Variants in KCNJ6 observed in about 807,000 individuals in gnomAD.
KCNJ6 encodes potassium inwardly rectifying channel subfamily J member 6.
A neutral mutation model predicts 34.2 loss-of-function variants in KCNJ6; 9 were observed. The observed-to-expected ratio is 0.26, with a 90% CI of 0.16 to 0.46. KCNJ6 has a LOEUF of 0.46. KCNJ6 is among the 20% of genes least tolerant of loss of function. The probability of loss-of-function intolerance (pLI) is 1.00; values close to 1 mark genes in which losing one functional copy is unlikely to be tolerated. For synonymous variants in KCNJ6, 196 were observed against 207.1 expected, an observed-to-expected ratio of 0.95 and a Z score of 0.46; for missense variants, 236 against 531.3, an observed-to-expected ratio of 0.44 and a Z score of 5.46.
intron 3 of KCNJ6, among the ~76,000 whole-genome samples, chr21:37,653,192 A>C (rs939545421): frequency 3.9e-5 from 6 of 152,332 alleles, no homozygotes; most frequent in Middle Eastern, 3.4e-3. Flanking sequence ...AAGGAGTAAA[A>C]AGGGAATTAA....
intron 2 of KCNJ6, among the ~76,000 whole-genome samples, chr21:37,774,148 T>A (rs549488895): frequency 6.6e-6 from 1 of 152,316 alleles, no homozygotes; most frequent in South Asian, 2.1e-4. Flanking sequence ...GAGTGAGGGT[T>A]CTGGAGTCAG....
chr21:37,759,047 G>A (rs2123492411), intron 2 of KCNJ6, among the ~76,000 whole-genome samples: 1 of 152,342 alleles, frequency 6.6e-6, no homozygotes, highest in East Asian at 1.9e-4. Context: ...TTGCTTTTAA[G>A]TCCTCCTCTT....
At chr21:37,764,053 C>A (rs1468002330) in intron 2 of KCNJ6, among the ~76,000 whole-genome samples, 2 of 152,176 alleles carry the variant, frequency 1.3e-5, no homozygotes, top group Non-Finnish European at 2.9e-5. Context: ...CCTGATTTGA[C>A]AAAGTGAATT....
chr21:37,753,556 C>T (rs1568834984), intron 2 of KCNJ6, among the ~76,000 whole-genome samples: 1 of 152,176 alleles, frequency 6.6e-6, no homozygotes, highest in African/African-American at 2.4e-5. Flanking sequence ...CACCAAGGAA[C>T]ACGACGCTCT....
At chr21:37,758,391 C>T (rs2055042318) in intron 2 of KCNJ6, among the ~76,000 whole-genome samples, 1 of 152,180 alleles carries the variant, frequency 6.6e-6, no homozygotes, top group Non-Finnish European at 1.5e-5. Flanking sequence ...ATCACCTCCT[C>T]CTTCCATTCT....
In KCNJ6 at chr21:37,728,234, C is replaced by A. The variant is rs141317262; in HGVS notation, c.26-13103G>T. Among the ~76,000 whole-genome samples, 227 of 152,222 alleles carry A rather than the reference C, an allele frequency of 1.5e-3. 1 individual carries two copies. Among genetic ancestry groups the A allele is most frequent in the Non-Finnish European group, 2.9e-4 (20 of 68,018 alleles). On this transcript the variant is annotated intron_variant, in intron 2 of 3. Transcript: ENST00000609713. ...GACAAGTACTATATGATTTCACTTA[C>A]GTGAGGTTCCTAGAATAGCCAAATT...
intron 2 of KCNJ6, among the ~76,000 whole-genome samples, chr21:37,753,675 C>G (rs904230704): frequency 4.6e-5 from 7 of 152,196 alleles, no homozygotes; most frequent in African/African-American, 1.7e-4. Context: ...GCTCTCTGTT[C>G]TCTTTTTCTT....
intron 2 of KCNJ6, among the ~76,000 whole-genome samples, chr21:37,834,181 C>T (rs964706799): frequency 6.6e-6 from 1 of 152,240 alleles, no homozygotes; most frequent in African/African-American, 2.4e-5. Context: ...TGCTGATCTT[C>T]TTTGAAACCT....
chr21:37,691,077 G>A (rs2123428046), intron 3 of KCNJ6, among the ~76,000 whole-genome samples: 1 of 152,266 alleles, frequency 6.6e-6, no homozygotes, highest in East Asian at 1.9e-4. Context: ...CACCGTACCT[G>A]GCCCAGGTTA....
chr21:37,799,604 T>G (rs539386594), intron 2 of KCNJ6, among the ~76,000 whole-genome samples: 1 of 152,250 alleles, frequency 6.6e-6, no homozygotes, highest in African/African-American at 2.4e-5. Context: ...TCACAAAACT[T>G]TGTGTGAATA....
At position 37,611,992 on chromosome 21, in the gene KCNJ6, CAAGG is replaced by C. The variant is rs953951882; in HGVS notation, c.*13163_*13166del. 2 of 151,782 alleles carry C rather than the reference CAAGG, an allele frequency of 1.3e-5. No homozygotes were observed. The highest frequency in any genetic ancestry group is 4.8e-5 in the African/African-American group (2 of 41,272). The allele number at this position is 151,782 out of a possible 1,614,324, so 9.4% of individuals were successfully genotyped here. A position where few individuals can be genotyped will look rare whatever the true frequency, so the allele number is the denominator to read the frequency against. ...GGAAGTCCTGGCTGATGCAATAAGA[CAAGG>C]AAAGGAAATAAAAATATATAGATTG... is the stretch of plus-strand genomic sequence containing the variant. On this transcript the variant is annotated 3_prime_UTR_variant, in exon 4 of 4. Transcript: ENST00000609713.
At chr21:37,810,253 T>C (rs1013993057) in intron 2 of KCNJ6, among the ~76,000 whole-genome samples, 3 of 152,218 alleles carry the variant, frequency 2.0e-5, no homozygotes, top group African/African-American at 4.8e-5. Context: ...CCCTTACAAA[T>C]GACTTCATGG....
intron 2 of KCNJ6, among the ~76,000 whole-genome samples, chr21:37,809,126 A>G (rs1007224992): frequency 4.6e-5 from 7 of 152,366 alleles, no homozygotes; most frequent in Admixed American, 1.3e-4. Context: ...GAACCAACCC[A>G]AATGTCCAAC....
At chr21:37,670,898 C>T (rs1241341339) in intron 3 of KCNJ6, among the ~76,000 whole-genome samples, 1 of 17,808 alleles carries the variant, frequency 5.6e-5, no homozygotes, top group Non-Finnish European at 9.6e-5. Flanking sequence ...TATGAGTTTT[C>T]ACTTCCTTGG....
chr21:37,786,394 C>G (rs1371305946), intron 2 of KCNJ6, among the ~76,000 whole-genome samples: 1 of 152,236 alleles, frequency 6.6e-6, no homozygotes, highest in African/African-American at 2.4e-5. Context: ...GATCCCAAGA[C>G]AGATGAGTAG....
At chr21:37,872,433 T>G (rs962002910) in intron 1 of KCNJ6, among the ~76,000 whole-genome samples, 30 of 152,176 alleles carry the variant, frequency 2.0e-4, no homozygotes, top group African/African-American at 7.2e-4. Context: ...AGTTAGGGAA[T>G]GGGGCACCTT....
chr21:37,841,176 C>G (rs2055479091), intron 1 of KCNJ6, among the ~76,000 whole-genome samples: 1 of 152,006 alleles, frequency 6.6e-6, no homozygotes, highest in Admixed American at 6.6e-5. Context: ...GTTCCTGGAG[C>G]CTTTAAAAAG....
At chr21:37,830,840 A>C (rs558449702) in intron 2 of KCNJ6, among the ~76,000 whole-genome samples, 104 of 152,218 alleles carry the variant, frequency 6.8e-4, no homozygotes, top group Non-Finnish European at 1.3e-3. Flanking sequence ...GCTGTTTTGC[A>C]AACCCCTGCA....
intron 3 of KCNJ6, among the ~76,000 whole-genome samples, chr21:37,669,683 G>C (rs914688239): frequency 7.5e-5 from 11 of 146,828 alleles, no homozygotes; most frequent in Non-Finnish European, 1.5e-5. Context: ...TGAATCTACT[G>C]TTTGGAGCTT....
Sources: allele counts gnomAD v4.1 joint callset (sites outside exome capture counted in the v4.1 genomes callset), GRCh38; gene constraint gnomAD v4.1.1; transcripts MANE v1.5; gene names NCBI Gene and HGNC (gene_info 2026-07-23, HGNC 2026-07-21).